Variants in PARVA observed in about 807,000 individuals in gnomAD.
PARVA encodes the protein parvin alpha.
In PARVA, 25 loss-of-function variants were observed where a neutral mutation model predicts 52.6. The observed-to-expected ratio is 0.48, with a 90% CI of 0.35 to 0.66. PARVA has a LOEUF of 0.66. PARVA is among the 30% of genes least tolerant of loss of function. The pLI, the probability that PARVA is intolerant of heterozygous loss-of-function variation, is 0.01. For synonymous variants in PARVA, 185 were observed against 179.1 expected (o/e 1.03, Z -0.26); for missense variants, 373 against 450.9 (o/e 0.83, Z 1.56).
At chr11:12,496,362 G>GAGTGCATGCATGCATA in intron 4 of PARVA, 96 bp from the exon 5 acceptor site, 1 of 1,244,818 alleles carries the variant, frequency 8.0e-7, no homozygotes, top group South Asian at 1.5e-5. Flanking sequence ...ATGCATGCAT[G>GAGTGCATGCATGCATA]AGTGCATGAG....
chr11:12,409,814 A>G (rs4485089), intron 1 of PARVA, among the ~76,000 whole-genome samples: 56,327 of 152,174 alleles, frequency 0.37, 13,271 homozygotes, highest in African/African-American at 0.68. Flanking sequence ...TGTTAGAGCC[A>G]CAGTTGGAAG....
At chr11:12,436,327 A>C (rs1208223571) in intron 1 of PARVA, among the ~76,000 whole-genome samples, 1 of 152,178 alleles carries the variant, frequency 6.6e-6, no homozygotes, top group Non-Finnish European at 1.5e-5. Context: ...ATCAGAGTTG[A>C]AGGGAGAGAA....
At chr11:12,388,977 A>G (rs1362714218) in intron 1 of PARVA, among the ~76,000 whole-genome samples, 1 of 152,138 alleles carries the variant, frequency 6.6e-6, no homozygotes, top group Non-Finnish European at 1.5e-5. Flanking sequence ...TGTGATAATT[A>G]GCTTATCATC....
chr11:12,447,624 C>T (rs547142574), intron 1 of PARVA, among the ~76,000 whole-genome samples: 1 of 152,296 alleles, frequency 6.6e-6, no homozygotes, highest in Non-Finnish European at 1.5e-5. Context: ...ATTTCATCTT[C>T]TGTGTGACCT....
chr11:12,398,958 T>C (rs1334228047), intron 1 of PARVA, among the ~76,000 whole-genome samples: 1 of 152,174 alleles, frequency 6.6e-6, no homozygotes, highest in Non-Finnish European at 1.5e-5. Context: ...AATTATTTAA[T>C]CCTGCCGAAC....
intron 4 of PARVA, among the ~76,000 whole-genome samples, chr11:12,486,629 T>C (rs1319104298): frequency 6.6e-6 from 1 of 152,186 alleles, no homozygotes; most frequent in Non-Finnish European, 1.5e-5. Flanking sequence ...GCAGATCACT[T>C]GAGGCCAGGA....
At chr11:12,413,191 C>T (rs1288794917) in intron 1 of PARVA, among the ~76,000 whole-genome samples, 3 of 152,228 alleles carry the variant, frequency 2.0e-5, no homozygotes, top group Non-Finnish European at 4.4e-5. Context: ...ATCTCCATTT[C>T]ATAGATGAGG....
chr11:12,515,076 CAGG>C (rs1338449490), intron 10 of PARVA, among the ~76,000 whole-genome samples: 1 of 152,218 alleles, frequency 6.6e-6, no homozygotes, highest in Admixed American at 6.5e-5. Context: ...CGGGGCATCC[CAGG>C]AGGAGGCACT....
chr11:12,523,830 A>G (rs753850280), intron 12 of PARVA, among the ~76,000 whole-genome samples: 1 of 152,190 alleles, frequency 6.6e-6, no homozygotes, highest in Non-Finnish European at 1.5e-5. Context: ...TAATCACACA[A>G]TTTATGAGAA....
At chr11:12,455,238 ATAAT>A (rs1212264858) in intron 1 of PARVA, among the ~76,000 whole-genome samples, 3 of 152,206 alleles carry the variant, frequency 2.0e-5, no homozygotes, top group Non-Finnish European at 4.4e-5. Context: ...CATTGCCTAG[ATAAT>A]TAATCCATTA....
At chr11:12,383,152 G>C (rs1457500119) in intron 1 of PARVA, among the ~76,000 whole-genome samples, 1 of 152,170 alleles carries the variant, frequency 6.6e-6, no homozygotes, top group Non-Finnish European at 1.5e-5. Flanking sequence ...TGTAGCTTAA[G>C]TGGCTTTTGT....
At chr11:12,391,073 C>G (rs1451875204) in intron 1 of PARVA, among the ~76,000 whole-genome samples, 1 of 152,108 alleles carries the variant, frequency 6.6e-6, no homozygotes, top group Non-Finnish European at 1.5e-5. Flanking sequence ...CCATGGCCAT[C>G]ATTACAGTAA....
At chr11:12,438,412 G>A (rs1474746119) in intron 1 of PARVA, among the ~76,000 whole-genome samples, 1 of 152,102 alleles carries the variant, frequency 6.6e-6, no homozygotes, top group Non-Finnish European at 1.5e-5. Context: ...ACCAGAGACA[G>A]GAAATCAGCC....
At chr11:12,483,489 C>T (rs947077554) in intron 4 of PARVA, among the ~76,000 whole-genome samples, 2 of 152,216 alleles carry the variant, frequency 1.3e-5, no homozygotes, top group Non-Finnish European at 2.9e-5. Flanking sequence ...ATCTCAGAAT[C>T]ACCCTTCCCA....
Position 12,508,627 on chromosome 11 carries a change from T to C in PARVA, c.701T>C (p.Ile234Thr). The C allele has an allele frequency of 6.2e-7, 1 of 1,608,254 alleles. No individual in the cohort carries two copies. Among genetic ancestry groups the C allele is most frequent in the South Asian group, 1.1e-5 (1 of 90,216 alleles). Reference sequence around the variant, plus strand: ...CAGTCTCGGCAAATCCAAGAGGAAATAACTGGTAACACAGAGTATGTCAAC... The same window carrying C: ...CAGTCTCGGCAAATCCAAGAGGAAACAACTGGTAACACAGAGTATGTCAAC... Reference protein sequence around the residue: ...ILQSRQIQEEITGNTEALSGR... With the variant: ...ILQSRQIQEETTGNTEALSGR... Residue 234 changes from isoleucine (I) to threonine (T), a missense_variant, in exon 7 of 13, where the codon ATA becomes ACA. By Grantham distance (89) the Ile-to-Thr change is moderately conservative (BLOSUM62 -1). Transcript: ENST00000334956.
At chr11:12,505,556 G>A (rs1941422889) in intron 6 of PARVA, among the ~76,000 whole-genome samples, 1 of 152,228 alleles carries the variant, frequency 6.6e-6, no homozygotes, top group African/African-American at 2.4e-5. Flanking sequence ...GGCCCTGCCT[G>A]CTGAGGAGAT....
intron 12 of PARVA, among the ~76,000 whole-genome samples, chr11:12,526,996 T>G (rs752085009): frequency 3.9e-5 from 6 of 152,144 alleles, no homozygotes; most frequent in Non-Finnish European, 5.9e-5. Flanking sequence ...GCCTGCCAGC[T>G]GCCAGTTTCC....
upstream of PARVA, chr11:12,376,678 G>A (rs1165910180): frequency 2.1e-6 from 2 of 963,400 alleles, no homozygotes; most frequent in African/African-American, 1.8e-5. Context: ...GGTGCTGTGA[G>A]TCTGTGTGTG....
intron 1 of PARVA, among the ~76,000 whole-genome samples, chr11:12,405,829 G>A (rs1011778768): frequency 6.6e-6 from 1 of 151,960 alleles, no homozygotes; most frequent in Non-Finnish European, 1.5e-5. Flanking sequence ...GCAGTGGCAG[G>A]TGCCTGTAAT....
Sources: gnomAD v4.1 joint callset for allele counts (sites outside exome capture counted in the v4.1 genomes callset) on GRCh38, gnomAD v4.1.1 for gene constraint, MANE v1.5 for transcripts, NCBI Gene and HGNC (gene_info 2026-07-23, HGNC 2026-07-21) for gene names.